The following KCNQ5 variants were observed in gnomAD, a reference collection of about 807,000 sequenced individuals.
KCNQ5 encodes potassium voltage-gated channel subfamily KQT member 5.
A neutral mutation model predicts 98.2 loss-of-function variants in KCNQ5; 30 were observed. The observed-to-expected ratio is 0.31, with a 90% CI of 0.23 to 0.41. The LOEUF (loss-of-function observed/expected upper bound fraction) is 0.41, where lower values mean the gene tolerates loss of function less well. KCNQ5 is among the 10% of genes least tolerant of loss of function. The pLI is 1.00. For missense variants in KCNQ5, 835 were observed against 1,182.5 expected, an observed-to-expected ratio of 0.71 and a Z score of 4.31; for synonymous variants, 458 against 449.4, an observed-to-expected ratio of 1.02 and a Z score of -0.24.
At chr6:72,804,271 A>G (rs866119577) in intron 1 of KCNQ5, among the ~76,000 whole-genome samples, 16 of 151,966 alleles carry the variant, frequency 1.1e-4, no homozygotes, top group African/African-American at 3.4e-4. Context: ...TATTTATTCT[A>G]TCTAACTATA....
At position 72,713,087 on chromosome 6, in the gene KCNQ5, A is replaced by G. The variant is rs1769451809; in HGVS notation, c.398+90500A>G. ...TGCTTAAAGTCGCACGGCAGGAGGT[A>G]GATATAAAAATGCTGGTTGGGTTTG... On this transcript the variant is annotated intron_variant, in intron 1 of 13. Transcript: ENST00000370398. 2.0e-5 allele frequency among the ~76,000 whole-genome samples: 3 copies of G among 152,314 alleles called. No homozygotes were observed. The South Asian group carries it at 6.2e-4, about 32-fold the overall frequency.
At chr6:73,041,854 A>G in intron 2 of KCNQ5, 82 bp from the exon 3 acceptor site, 3 of 1,527,092 alleles carry the variant, frequency 2.0e-6, no homozygotes, top group Non-Finnish European at 1.8e-6. Context: ...AAGTGCCTAA[A>G]TGTCCAAAAA....
chr6:72,967,720 G>C (rs1276720987), intron 1 of KCNQ5: 1 of 154,740 alleles, frequency 6.5e-6, no homozygotes, highest in Non-Finnish European at 1.5e-5. Context: ...TTTTAGAAAT[G>C]TGGCATACTA....
chr6:72,878,087 A>G (rs1012584971), intron 1 of KCNQ5, among the ~76,000 whole-genome samples: 6 of 152,146 alleles, frequency 3.9e-5, no homozygotes, highest in Admixed American at 6.5e-5. Context: ...CCTGACCTAC[A>G]TGGTGAAACC....
At chr6:72,837,839 G>GT (rs1776577440) in intron 1 of KCNQ5, among the ~76,000 whole-genome samples, 2 of 151,788 alleles carry the variant, frequency 1.3e-5, no homozygotes, top group Admixed American at 6.6e-5. Flanking sequence ...CATGTTATAG[G>GT]TTTTTTACCT....
intron 1 of KCNQ5, among the ~76,000 whole-genome samples, chr6:72,703,847 T>C (rs1273571312): frequency 6.6e-6 from 1 of 152,238 alleles, no homozygotes; most frequent in Non-Finnish European, 1.5e-5. Flanking sequence ...TTGCTGTTCC[T>C]GTGAAATTTG....
intron 1 of KCNQ5, among the ~76,000 whole-genome samples, chr6:72,828,700 A>T (rs183059645): frequency 1.8e-4 from 27 of 152,212 alleles, no homozygotes; most frequent in Admixed American, 8.5e-4. Context: ...CTTTAAAAAA[A>T]ATCTTTGTAC....
At chr6:73,129,213 G>A (rs144971657) in intron 9 of KCNQ5, among the ~76,000 whole-genome samples, 114 of 152,262 alleles carry the variant, frequency 7.5e-4, no homozygotes, top group East Asian at 4.0e-3. Context: ...TAGAGGAAAC[G>A]GATTTAGTCT....
intron 1 of KCNQ5, among the ~76,000 whole-genome samples, chr6:72,897,383 T>G (rs1779295765): frequency 6.6e-6 from 1 of 151,776 alleles, no homozygotes; most frequent in Non-Finnish European, 1.5e-5. Context: ...CTACTAAAAG[T>G]ACAAAAAAAT....
intron 1 of KCNQ5, among the ~76,000 whole-genome samples, chr6:72,852,997 T>C (rs1777347803): frequency 6.6e-6 from 1 of 152,076 alleles, no homozygotes; most frequent in Non-Finnish European, 1.5e-5. Context: ...ATTTATACCA[T>C]GGAAAATGGC....
rs73756007 is a variant in KCNQ5, at chr6:72,680,676, T to C, written c.398+58089T>C. 6.1e-3 allele frequency among the ~76,000 whole-genome samples: 923 copies of C among 152,358 alleles called. 9 individuals are homozygous for C. Among genetic ancestry groups the C allele is most frequent in the African/African-American group, 0.021 (879 of 41,588 alleles). ...TCAGTAAGTTAATTTTGCTTCTCAT[T>C]ACTTTGCCTAGCATTTGCTAGTGTA... On this transcript the variant is annotated intron_variant, in intron 1 of 13. Transcript: ENST00000370398.
At chr6:72,807,243 G>C (rs1025596285) in intron 1 of KCNQ5, among the ~76,000 whole-genome samples, 2 of 151,834 alleles carry the variant, frequency 1.3e-5, no homozygotes, top group African/African-American at 4.8e-5. Flanking sequence ...ATACCATAGG[G>C]CTTAGTTAAT....
intron 11 of KCNQ5, among the ~76,000 whole-genome samples, chr6:73,188,541 A>C (rs76400597): frequency 0.034 from 4,917 of 143,240 alleles, 184 homozygotes; most frequent in East Asian, 0.13. Context: ...CAGGTTAGAG[A>C]TCTTCTCTTT....
At chr6:73,073,846 C>T (rs1429974385) in intron 3 of KCNQ5, among the ~76,000 whole-genome samples, 1 of 152,190 alleles carries the variant, frequency 6.6e-6, no homozygotes, top group Non-Finnish European at 1.5e-5. Context: ...ACTAACTGCA[C>T]AGCTTAAGCT....
chr6:72,836,893 T>C (rs545040576), intron 1 of KCNQ5, among the ~76,000 whole-genome samples: 3 of 152,314 alleles, frequency 2.0e-5, no homozygotes, highest in Admixed American at 6.5e-5. Context: ...TGATAATGCA[T>C]AGCAATTTGT....
chr6:72,639,375 A>G (rs992376465), intron 1 of KCNQ5, among the ~76,000 whole-genome samples: 6 of 152,234 alleles, frequency 3.9e-5, no homozygotes, highest in Non-Finnish European at 7.3e-5. Flanking sequence ...AAACTTTGCC[A>G]TCTAGGAGTG....
chr6:72,986,810 A>C, intron 1 of KCNQ5: 1 of 1,336,670 alleles, frequency 7.5e-7, no homozygotes, highest in Non-Finnish European at 1.1e-6. Flanking sequence ...CAAATAACAC[A>C]AGAAGGAAAC....
intron 1 of KCNQ5, among the ~76,000 whole-genome samples, chr6:72,998,305 A>G (rs1769396496): frequency 6.6e-6 from 1 of 152,242 alleles, no homozygotes; most frequent in Admixed American, 6.5e-5. Context: ...TCAAAGCAAT[A>G]CTTAAAGTTT....
intron 1 of KCNQ5, among the ~76,000 whole-genome samples, chr6:72,877,530 G>A (rs1778462483): frequency 6.6e-6 from 1 of 152,100 alleles, no homozygotes; most frequent in Admixed American, 6.6e-5. Context: ...AAACATACAT[G>A]TGCATGTATC....
Sources: gnomAD v4.1 joint callset for allele counts (sites outside exome capture counted in the v4.1 genomes callset) on GRCh38, gnomAD v4.1.1 for gene constraint, MANE v1.5 for transcripts, NCBI Gene and HGNC (gene_info 2026-07-23, HGNC 2026-07-21) for gene names.